The following XKR9 variants were observed in gnomAD, a reference collection of about 807,000 sequenced individuals.
XKR9 encodes the protein XK-related protein 9.
In XKR9, 32 loss-of-function variants were observed where a neutral mutation model predicts 32.0. The ratio of observed to expected loss-of-function variants is 1.00; its 90% CI spans 0.76 to 1.34. The LOEUF (loss-of-function observed/expected upper bound fraction) is 1.34, where lower values mean the gene tolerates loss of function less well. Among genes scored for constraint, XKR9 ranks in the 40% most tolerant of loss-of-function variants. The pLI is 0.00. For synonymous variants in XKR9, 168 were observed against 143.4 expected (o/e 1.17, Z -1.22); for missense variants, 546 against 429.7 (o/e 1.27, Z -2.39).
chr8:70,849,174 A>T, the XKR9 span, among the ~76,000 whole-genome samples: 1 of 152,324 alleles, frequency 6.6e-6, no homozygotes, highest in East Asian at 1.9e-4. Context: ...ACTTATTCTA[A>T]AATTGACCAC....
the XKR9 span, among the ~76,000 whole-genome samples, chr8:71,005,936 G>A: frequency 6.6e-6 from 1 of 152,238 alleles, no homozygotes; most frequent in Admixed American, 6.5e-5. Flanking sequence ...CAAGAGGAAT[G>A]TTGTTCATAA....
chr8:70,867,309 C>T, the XKR9 span, among the ~76,000 whole-genome samples: 1 of 152,172 alleles, frequency 6.6e-6, no homozygotes, highest in African/African-American at 2.4e-5. Context: ...CAGGTCCCTC[C>T]CACAATATAC....
At chr8:70,810,935 T>A in the XKR9 span, among the ~76,000 whole-genome samples, 2 of 152,216 alleles carry the variant, frequency 1.3e-5, no homozygotes, top group African/African-American at 4.8e-5. Context: ...CTGCACCAAG[T>A]GGACCTAAGA....
At chr8:71,034,561 A>C in the XKR9 span, among the ~76,000 whole-genome samples, 5 of 152,182 alleles carry the variant, frequency 3.3e-5, no homozygotes, top group Admixed American at 2.0e-4. Context: ...TAAGAATCTG[A>C]TTAGTCTAAG....
chr8:70,714,862 TTAA>T (rs945555479), intron 4 of XKR9, among the ~76,000 whole-genome samples: 4 of 152,078 alleles, frequency 2.6e-5, no homozygotes, highest in Non-Finnish European at 5.9e-5. Context: ...AAGTAAAGAA[TTAA>T]TAAGAATAAT....
chr8:70,916,859 G>GAGATTTATCTCA, the XKR9 span, among the ~76,000 whole-genome samples: 1 of 148,786 alleles, frequency 6.7e-6, no homozygotes, highest in Admixed American at 6.7e-5. Flanking sequence ...ATATCTTTCT[G>GAGATTTATCTCA]TGAAAAAGCT....
chr8:70,935,394 A>G, the XKR9 span, among the ~76,000 whole-genome samples: 1 of 151,772 alleles, frequency 6.6e-6, no homozygotes, highest in African/African-American at 2.4e-5. Flanking sequence ...ATTGTAAACA[A>G]TTCTTCAGTG....
the XKR9 span, among the ~76,000 whole-genome samples, chr8:70,836,431 T>C: frequency 6.6e-6 from 1 of 152,216 alleles, no homozygotes; most frequent in South Asian, 2.1e-4. Context: ...ATATAGGAAG[T>C]TCACTATGTA....
Position 70,734,491 on chromosome 8 carries a change from A to G in XKR9, c.*67A>G. 10 of 1,420,160 alleles carry G rather than the reference A, an allele frequency of 7.0e-6. No individual in the cohort carries two copies. Among genetic ancestry groups the G allele is most frequent in the Non-Finnish European group, 9.1e-6 (10 of 1,094,874 alleles). 88.0% of individuals were successfully genotyped at this position (1,420,160 alleles called of 1,614,324 possible). A position where few individuals can be genotyped will look rare whatever the true frequency, so the allele number is the denominator to read the frequency against. On this transcript the variant is annotated 3_prime_UTR_variant, in exon 5 of 5. Coordinates refer to ENST00000408926, the MANE Select transcript of XKR9 (RefSeq NM_001011720.2). ...TTGGTTAGTAAAGAAAATGTGTGTT[A>G]TGTGGGTGTGTTGTCTCTTATTTTT...
chr8:70,830,022 C>A, the XKR9 span, among the ~76,000 whole-genome samples: 7 of 152,118 alleles, frequency 4.6e-5, no homozygotes, highest in Non-Finnish European at 5.9e-5. Context: ...TTTTATGAAG[C>A]CTCTATTTAT....
At chr8:71,051,963 A>T in the XKR9 span, among the ~76,000 whole-genome samples, 1 of 152,248 alleles carries the variant, frequency 6.6e-6, no homozygotes, top group Non-Finnish European at 1.5e-5. Context: ...ATGAGGAGAC[A>T]GTGGCAAAGC....
chr8:70,756,122 G>T (rs1042602212), intron 2 of XKR9, among the ~76,000 whole-genome samples: 4 of 152,208 alleles, frequency 2.6e-5, no homozygotes, highest in Admixed American at 6.5e-5. Flanking sequence ...TTGTTGAAAA[G>T]ATATTCTTTA....
At chr8:70,923,864 G>A in the XKR9 span, among the ~76,000 whole-genome samples, 3 of 152,018 alleles carry the variant, frequency 2.0e-5, no homozygotes, top group Non-Finnish European at 2.9e-5. Flanking sequence ...TGAATTCTAT[G>A]TTCTATATTC....
chr8:70,882,822 TTA>T, the XKR9 span, among the ~76,000 whole-genome samples: 1 of 151,874 alleles, frequency 6.6e-6, no homozygotes, highest in South Asian at 2.1e-4. Context: ...ACTGTACATT[TTA>T]TGAGTTTTGC....
At chr8:70,960,541 C>T in the XKR9 span, among the ~76,000 whole-genome samples, 3 of 152,108 alleles carry the variant, frequency 2.0e-5, no homozygotes, top group African/African-American at 7.2e-5. Flanking sequence ...CCTTACTCCT[C>T]CCCACTGCAG....
chr8:70,916,115 C>T, the XKR9 span, among the ~76,000 whole-genome samples: 3 of 152,158 alleles, frequency 2.0e-5, no homozygotes, highest in African/African-American at 4.8e-5. Flanking sequence ...TCTTTGGACT[C>T]ATTCATTTCC....
the XKR9 span, among the ~76,000 whole-genome samples, chr8:70,838,080 G>C: frequency 1.3e-5 from 2 of 151,996 alleles, no homozygotes; most frequent in African/African-American, 4.8e-5. Flanking sequence ...AGGACTTACC[G>C]ACTGCTGAAA....
At chr8:70,864,615 G>A in the XKR9 span, among the ~76,000 whole-genome samples, 1 of 152,142 alleles carries the variant, frequency 6.6e-6, no homozygotes, top group African/African-American at 2.4e-5. Context: ...TCATAATTCA[G>A]TGGTTCAGTG....
At chr8:70,826,570 G>A in the XKR9 span, among the ~76,000 whole-genome samples, 1 of 152,076 alleles carries the variant, frequency 6.6e-6, no homozygotes, top group Non-Finnish European at 1.5e-5. Context: ...TATTTATATT[G>A]ATTTATGTTA....
Sources: allele counts gnomAD v4.1 joint callset (sites outside exome capture counted in the v4.1 genomes callset), GRCh38; gene constraint gnomAD v4.1.1; transcripts MANE v1.5; gene names NCBI Gene and HGNC (gene_info 2026-07-23, HGNC 2026-07-21).